Variants in PKP4 observed in about 807,000 individuals in gnomAD.
PKP4 encodes plakophilin-4.
In PKP4, 90 loss-of-function variants were observed where a neutral mutation model predicts 145.1. The observed-to-expected ratio is 0.62, with a 90% CI of 0.52 to 0.74. The LOEUF is 0.74. Ranked by LOEUF, PKP4 falls within the 30% of genes least tolerant of loss-of-function variation. The pLI, the probability that PKP4 is intolerant of heterozygous loss-of-function variation, is 0.00. For synonymous variants in PKP4, 563 were observed against 577.2 expected (o/e 0.98, Z 0.35); for missense variants, 1,340 against 1,482.7 (o/e 0.90, Z 1.58).
intron 4 of PKP4, among the ~76,000 whole-genome samples, chr2:158,614,721 T>C (rs1574790647): frequency 6.6e-6 from 1 of 152,306 alleles, no homozygotes; most frequent in Non-Finnish European, 1.5e-5. Context: ...AAATCAAGAA[T>C]CCAGTTTTAG....
intron 1 of PKP4, among the ~76,000 whole-genome samples, chr2:158,460,386 T>C (rs970206255): frequency 1.3e-5 from 2 of 152,202 alleles, no homozygotes; most frequent in Non-Finnish European, 2.9e-5. Flanking sequence ...TTCTTCCTTT[T>C]CTTGTAAATA....
At chr2:158,460,493 C>G (rs1359866263) in intron 1 of PKP4, among the ~76,000 whole-genome samples, 2 of 152,110 alleles carry the variant, frequency 1.3e-5, no homozygotes, top group Non-Finnish European at 2.9e-5. Context: ...CATGCTGTTA[C>G]CCAGGGATCA....
At chr2:158,610,546 CAATAAT>C (rs1033258715) in intron 4 of PKP4, among the ~76,000 whole-genome samples, 15 of 152,044 alleles carry the variant, frequency 9.9e-5, no homozygotes, top group African/African-American at 3.6e-4. Flanking sequence ...AACACCAACT[CAATAAT>C]AAAAATAGCT....
rs1436196625 is a variant in PKP4 at position 158,571,519 on chromosome 2, A to G, written c.133-5752A>G. Among the ~76,000 whole-genome samples the G allele has an allele frequency of 3.9e-5, 6 of 152,316 alleles. No individual in the cohort carries two copies. In the East Asian group the frequency reaches 1.2e-3, roughly 29 times the overall value. ...CCTTGGGTTTGGGGTGTGGAGGAAT[A>G]CATAGTCTTCACCAGAGAGGGTTGT... On this transcript the variant is annotated intron_variant, in intron 2 of 21. Coordinates refer to ENST00000389759, the MANE Select transcript of PKP4 (RefSeq NM_003628.6).
intron 13 of PKP4, 184 bp downstream of exon 13, chr2:158,661,634 T>C: frequency 2.0e-6 from 1 of 498,184 alleles, no homozygotes; most frequent in Non-Finnish European, 3.7e-6. Flanking sequence ...TAAGAAAATA[T>C]CCTGAGAACC....
At chr2:158,494,101 C>G (rs966656591) in intron 1 of PKP4, among the ~76,000 whole-genome samples, 6 of 152,096 alleles carry the variant, frequency 3.9e-5, no homozygotes, top group Non-Finnish European at 7.4e-5. Flanking sequence ...AAAAGGTAAA[C>G]ACTGATGAGA....
intron 11 of PKP4, among the ~76,000 whole-genome samples, chr2:158,653,520 A>G (rs1430188077): frequency 1.3e-5 from 2 of 152,210 alleles, no homozygotes. Flanking sequence ...TCATAATTAT[A>G]TGTACTTGTT....
chr2:158,470,241 C>T (rs1691337717), intron 1 of PKP4, among the ~76,000 whole-genome samples: 1 of 152,114 alleles, frequency 6.6e-6, no homozygotes, highest in Admixed American at 6.5e-5. Context: ...TAGTTATCCC[C>T]TTCTCTTCTA....
rs1229359647 is a variant in PKP4, at chr2:158,523,440, A to G, written c.-5-9740A>G. Among the ~76,000 whole-genome samples the G allele has an allele frequency of 4.1e-3, 341 of 82,312 alleles. 4 individuals are homozygous for G. Among genetic ancestry groups the G allele is most frequent in the African/African-American group, 0.014 (325 of 23,344 alleles). The allele number at this position is 82,312 out of a possible 152,430, so 54.0% of individuals were successfully genotyped here. The stretch of plus-strand genomic sequence containing the variant: ...GAGGGTCCTGTCTGTTAGAAGGAAA[A>G]CTAACAAACAGAAAGGACATCCACA... On this transcript the variant is annotated intron_variant, in intron 1 of 21. Transcript: ENST00000389759.
chr2:158,611,646 T>A (rs999610506), intron 4 of PKP4, among the ~76,000 whole-genome samples: 1 of 152,144 alleles, frequency 6.6e-6, no homozygotes, highest in Non-Finnish European at 1.5e-5. Context: ...ACTGAATTTA[T>A]AAAGGAGATA....
intron 1 of PKP4, among the ~76,000 whole-genome samples, chr2:158,523,813 G>C (rs1190662766): frequency 6.1e-5 from 8 of 131,296 alleles, no homozygotes; most frequent in Non-Finnish European, 9.5e-5. Flanking sequence ...GAAAACCAAG[G>C]CTCGAGAACT....
At chr2:158,488,725 G>T (rs1033337662) in intron 1 of PKP4, among the ~76,000 whole-genome samples, 4 of 152,064 alleles carry the variant, frequency 2.6e-5, no homozygotes, top group Admixed American at 6.6e-5. Flanking sequence ...TATTTATTTG[G>T]GTGATTGTAT....
intron 1 of PKP4, among the ~76,000 whole-genome samples, chr2:158,508,838 T>TA (rs1440691049): frequency 2.0e-5 from 3 of 152,322 alleles, no homozygotes; most frequent in Non-Finnish European, 2.9e-5. Flanking sequence ...ACCTTAATTG[T>TA]AGAGAGGTTC....
chr2:158,655,014 T>A (rs186812895), intron 11 of PKP4, among the ~76,000 whole-genome samples: 3,365 of 152,072 alleles, frequency 0.022, 121 homozygotes, highest in African/African-American at 0.076. Flanking sequence ...CATCTTTTTT[T>A]AAAAAAAAAT....
intron 9 of PKP4, among the ~76,000 whole-genome samples, chr2:158,638,749 T>G (rs2054023086): frequency 6.6e-6 from 1 of 152,174 alleles, no homozygotes. Context: ...GTTAAATATT[T>G]TGTAGATAGT....
chr2:158,626,704 T>TGATGAA, intron 7 of PKP4, among the ~76,000 whole-genome samples: 1 of 152,308 alleles, frequency 6.6e-6, no homozygotes, highest in Non-Finnish European at 1.5e-5. Context: ...TCTTTGCCAA[T>TGATGAA]CTGATAGGTA....
rs2058400924 is a variant in PKP4, at chr2:158,681,100, T to C, written c.*423T>C. 1 of 157,146 alleles carries C rather than the reference T, an allele frequency of 6.4e-6. No homozygotes were observed. Among genetic ancestry groups the C allele is most frequent in the Non-Finnish European group, 1.4e-5 (1 of 71,006 alleles). The allele number at this position is 157,146 out of a possible 1,614,324, so 9.7% of individuals were successfully genotyped here. ...ATTACTAAATGTCAAGATTGTATGC[T>C]ATTATGTCTTGTAAATTTCTTTTGT... On this transcript the variant is annotated 3_prime_UTR_variant, in exon 22 of 22. Coordinates refer to ENST00000389759, the MANE Select transcript of PKP4 (RefSeq NM_003628.6).
Position 158,569,629 on chromosome 2 carries a change from G to A in PKP4, c.133-7642G>A, listed in dbSNP as rs555193206. Among the ~76,000 whole-genome samples the A allele has an allele frequency of 1.1e-4, 16 of 152,244 alleles. No individual in the cohort carries two copies. The South Asian group carries it at 3.3e-3, about 32-fold the overall frequency. On this transcript the variant is annotated intron_variant, in intron 2 of 21. Transcript: ENST00000389759. ...CTATAGTATAGTACCTCTTAATTCA[G>A]CCTTCCCTAAATACAACAAATAAAC... is the stretch of plus-strand genomic sequence containing the variant.
intron 1 of PKP4, among the ~76,000 whole-genome samples, chr2:158,520,355 A>C (rs2042268555): frequency 6.6e-6 from 1 of 152,216 alleles, no homozygotes; most frequent in Non-Finnish European, 1.5e-5. Flanking sequence ...TTATTATTGA[A>C]GTGGATTCCT....
Sources: gnomAD v4.1 joint callset for allele counts (sites outside exome capture counted in the v4.1 genomes callset) on GRCh38, gnomAD v4.1.1 for gene constraint, MANE v1.5 for transcripts, NCBI Gene and HGNC (gene_info 2026-07-23, HGNC 2026-07-21) for gene names.